The following STK3 variants were observed in gnomAD, a reference collection of about 807,000 sequenced individuals.
The protein encoded by STK3 is serine/threonine-protein kinase 3.
A neutral mutation model predicts 58.0 loss-of-function variants in STK3; 41 were observed. The ratio of observed to expected loss-of-function variants is 0.71; its 90% CI spans 0.55 to 0.92. The LOEUF is 0.92. Among genes scored for constraint, STK3 ranks in the 40% least tolerant of loss-of-function variants. The probability of loss-of-function intolerance (pLI) is 0.00; values close to 1 mark genes in which losing one functional copy is unlikely to be tolerated. For synonymous variants in STK3, 170 were observed against 191.0 expected, an observed-to-expected ratio of 0.89 and a Z score of 0.91; for missense variants, 479 against 602.7, an observed-to-expected ratio of 0.79 and a Z score of 2.15.
chr8:98,482,709 T>A (rs1225942160), intron 10 of STK3, among the ~76,000 whole-genome samples: 1 of 152,060 alleles, frequency 6.6e-6, no homozygotes, highest in Non-Finnish European at 1.5e-5. Flanking sequence ...CTCCCAGCAA[T>A]TCTAGAAGAT....
At chr8:98,852,018 AGAAAG>A (rs1836488385) in intron 3 of STK3, among the ~76,000 whole-genome samples, 2 of 151,814 alleles carry the variant, frequency 1.3e-5, no homozygotes, top group African/African-American at 4.9e-5. Flanking sequence ...AAAAAGAAAA[AGAAAG>A]AAGAAGGCAG....
At chr8:98,760,872 A>C (rs1174551091) in intron 3 of STK3, among the ~76,000 whole-genome samples, 1 of 152,176 alleles carries the variant, frequency 6.6e-6, no homozygotes, top group African/African-American at 2.4e-5. Context: ...TATTAAAAAA[A>C]AATGAGAAAA....
chr8:98,506,050 C>T (rs1824038061), intron 10 of STK3, among the ~76,000 whole-genome samples: 1 of 152,220 alleles, frequency 6.6e-6, no homozygotes, highest in Non-Finnish European at 1.5e-5. Flanking sequence ...CAGTGGGCTC[C>T]ACCCAGTTTG....
intron 4 of STK3, among the ~76,000 whole-genome samples, chr8:98,748,129 A>C (rs1829758706): frequency 6.6e-6 from 1 of 152,150 alleles, no homozygotes; most frequent in Admixed American, 6.5e-5. Context: ...TCCATTTCAC[A>C]CACTACTTCA....
At position 98,825,535 on chromosome 8, in the gene STK3, C is replaced by T; in HGVS notation, c.6G>A (p.Glu2=). 6.9e-7 allele frequency: 1 copy of T among 1,457,922 alleles called. No homozygotes were observed. Among genetic ancestry groups the T allele is most frequent in the Non-Finnish European group, 9.1e-7 (1 of 1,099,978 alleles). 90.3% of individuals were successfully genotyped at this position (1,457,922 alleles called of 1,614,324 possible). M[E]QPPAPKSKLK... is the part of the protein sequence containing the mutation. ...GTTACCTCTTAGGCGCCGGCGGCTG[C>T]TCCATGGCGGCCGGGGACAGAGAGA... The change falls in exon 1 of 11, where the codon GAG becomes GAA. Residue 2 remains glutamate, a synonymous_variant. Coordinates refer to ENST00000419617, the MANE Select transcript of STK3 (RefSeq NM_006281.4).
At chr8:98,378,869 T>C (rs1232748439) in intron 2 of STK3, among the ~76,000 whole-genome samples, 4 of 152,198 alleles carry the variant, frequency 2.6e-5, no homozygotes, top group Admixed American at 1.3e-4. Flanking sequence ...AGATGGGCTT[T>C]GGCCTCCTTG....
chr8:98,612,060 T>C (rs1333473182), intron 6 of STK3, among the ~76,000 whole-genome samples: 2 of 149,032 alleles, frequency 1.3e-5, no homozygotes, highest in Non-Finnish European at 3.0e-5. Flanking sequence ...TAAATATACA[T>C]ATAATAGACA....
intron 1 of STK3, among the ~76,000 whole-genome samples, chr8:98,929,528 C>T (rs1001518943): frequency 1.3e-5 from 2 of 152,244 alleles, no homozygotes; most frequent in African/African-American, 4.8e-5. Flanking sequence ...TGCACCACTG[C>T]AGTCCCAGCT....
At chr8:98,864,396 C>T (rs1837055176) in intron 3 of STK3, among the ~76,000 whole-genome samples, 1 of 152,096 alleles carries the variant, frequency 6.6e-6, no homozygotes, top group Admixed American at 6.5e-5. Context: ...TCTCTAAGGA[C>T]ATTATAGAAC....
In STK3 at chr8:98,706,619, G is replaced by GT; in HGVS notation, c.531dup (p.Arg178ThrfsTer14). ...AATGGAGTTCCTATTACAGTATTGC[G>GT]TTTTGCCATTGTATCCTGCAATAAT... On this transcript the variant is annotated frameshift_variant, in exon 6 of 11. Coordinates refer to ENST00000419617, the MANE Select transcript of STK3 (RefSeq NM_006281.4). LOFTEE classifies it high-confidence loss of function. 6.3e-7 allele frequency: 1 copy of GT among 1,599,586 alleles called. No homozygotes were observed.
intron 6 of STK3, among the ~76,000 whole-genome samples, chr8:98,700,353 G>A (rs1050670084): frequency 1.3e-5 from 2 of 152,204 alleles, no homozygotes; most frequent in Non-Finnish European, 2.9e-5. Context: ...TTCGGCTCGC[G>A]CACGGTGCAC....
At chr8:98,743,246 GAAA>G (rs201099118) in intron 4 of STK3, among the ~76,000 whole-genome samples, 2 of 135,746 alleles carry the variant, frequency 1.5e-5, no homozygotes, top group Admixed American at 1.4e-4. Flanking sequence ...AGTTCATATG[GAAA>G]AAAAAAAAAA....
intron 6 of STK3, among the ~76,000 whole-genome samples, chr8:98,619,532 T>C (rs1422807051): frequency 2.2e-5 from 3 of 133,364 alleles, no homozygotes; most frequent in African/African-American, 8.8e-5. Context: ...ACAGGCAACC[T>C]ACAACATGGG....
downstream of STK3, chr8:98,880,608 G>A (rs1837756689): frequency 3.3e-5 from 5 of 152,188 alleles, no homozygotes; most frequent in South Asian, 1.0e-3. Flanking sequence ...AAAATAAAAA[G>A]ACAAGCCACA....
upstream of STK3, among the ~76,000 whole-genome samples, chr8:98,828,437 C>CAAAAAAAAAAAAAA (rs367737626): frequency 8.2e-5 from 4 of 48,586 alleles, 1 homozygote; most frequent in Non-Finnish European, 1.4e-4. Flanking sequence ...CCCATCTCTA[C>CAAAAAAAAAAAAAA]AAAAAAAAAA....
intron 1 of STK3, among the ~76,000 whole-genome samples, chr8:98,926,174 C>T (rs1839783477): frequency 6.6e-6 from 1 of 152,152 alleles, no homozygotes; most frequent in South Asian, 2.1e-4. Flanking sequence ...CAAATTGCGC[C>T]TGACCATTAG....
chr8:98,775,287 C>T (rs1212727562), intron 1 of STK3, among the ~76,000 whole-genome samples: 1 of 152,126 alleles, frequency 6.6e-6, no homozygotes, highest in Non-Finnish European at 1.5e-5. Flanking sequence ...CACACCTGAC[C>T]TCATGTAATG....
Position 98,911,835 on chromosome 8 carries a change from T to C in STK3, c.-78-28001A>G, listed in dbSNP as rs575345673. Among the ~76,000 whole-genome samples, 6 of 146,122 alleles carry C rather than the reference T, an allele frequency of 4.1e-5. No individual in the cohort carries two copies. In the East Asian group the frequency reaches 1.2e-3, roughly 28 times the overall value. On this transcript the variant is annotated intron_variant, in intron 1 of 1. Transcript: ENST00000519420. ...GAATTTTTTAAAAAATGAAAACTAA[T>C]AAAATAAAAAATAAAGCTTATTCCT...
chr8:98,904,471 A>C (rs1210786532), intron 1 of STK3: 2 of 369,364 alleles, frequency 5.4e-6, no homozygotes, highest in African/African-American at 2.1e-5. Flanking sequence ...AGTTGGTCAC[A>C]AACTCCTTTT....
Sources: gnomAD v4.1 joint callset for allele counts (sites outside exome capture counted in the v4.1 genomes callset) on GRCh38, gnomAD v4.1.1 for gene constraint, MANE v1.5 for transcripts, NCBI Gene and HGNC (gene_info 2026-07-23, HGNC 2026-07-21) for gene names.